The following LNPK variants were observed in gnomAD, a reference collection of about 807,000 sequenced individuals.
LNPK encodes endoplasmic reticulum junction formation protein lunapark.
LNPK carries 29 observed loss-of-function variants against 55.2 expected under a neutral mutation model. That is an observed-to-expected ratio of 0.53 (90% CI 0.39 to 0.72). The LOEUF (loss-of-function observed/expected upper bound fraction) is 0.72, where lower values mean the gene tolerates loss of function less well. Among genes scored for constraint, LNPK ranks in the 30% least tolerant of loss-of-function variants. The pLI, the probability that LNPK is intolerant of heterozygous loss-of-function variation, is 0.00. For synonymous variants in LNPK, 162 were observed against 168.2 expected, an observed-to-expected ratio of 0.96 and a Z score of 0.29; for missense variants, 467 against 494.8, an observed-to-expected ratio of 0.94 and a Z score of 0.53.
intron 1 of LNPK, among the ~76,000 whole-genome samples, chr2:175,999,729 C>A (rs1024388109): frequency 6.6e-6 from 1 of 152,136 alleles, no homozygotes; most frequent in African/African-American, 2.4e-5. Flanking sequence ...ACAACAGGAC[C>A]TGTCATGACC....
In LNPK at chr2:175,929,160, CAAGAGCACAA is replaced by C; in HGVS notation, c.*797_*806del. ...TTCATTTTCCTTAATAAAATACAAA[CAAGAGCACAA>C]AATTCACTTATATATCATCATTTTA... is the stretch of plus-strand genomic sequence containing the variant. On this transcript the variant is annotated 3_prime_UTR_variant, in exon 13 of 13. Coordinates refer to ENST00000272748, the MANE Select transcript of LNPK (RefSeq NM_030650.3). The C allele has an allele frequency of 1.0e-6, 1 of 978,506 alleles. No homozygotes were observed. The highest frequency in any genetic ancestry group is 1.2e-6 in the Non-Finnish European group (1 of 823,442). The allele number at this position is 978,506 out of a possible 1,614,324, so 60.6% of individuals were successfully genotyped here.
At chr2:175,944,627 C>T (rs1428661479) in intron 9 of LNPK, among the ~76,000 whole-genome samples, 2 of 152,060 alleles carry the variant, frequency 1.3e-5, no homozygotes, top group Non-Finnish European at 2.9e-5. Context: ...TACATGGAGA[C>T]TTCATAGAAG....
At chr2:175,936,053 G>A (rs2105524497) in intron 12 of LNPK, among the ~76,000 whole-genome samples, 1 of 152,102 alleles carries the variant, frequency 6.6e-6, no homozygotes, top group African/African-American at 2.4e-5. Flanking sequence ...AGTTCCAAAA[G>A]GCTGCAATGG....
chr2:175,985,604 A>T (rs1687369309), intron 4 of LNPK, among the ~76,000 whole-genome samples: 1 of 152,150 alleles, frequency 6.6e-6, no homozygotes, highest in Non-Finnish European at 1.5e-5. Flanking sequence ...GTTCTCCCTT[A>T]ATCTCAGTGA....
At position 175,937,590 on chromosome 2, in the gene LNPK, A is replaced by T. The variant is rs576330854; in HGVS notation, c.884-76T>A. 1.6e-5 allele frequency: 17 copies of T among 1,046,482 alleles called. No individual in the cohort carries two copies. The East Asian group carries it at 4.1e-4, about 25-fold the overall frequency. The allele number at this position is 1,046,482 out of a possible 1,614,324, so 64.8% of individuals were successfully genotyped here. On this transcript the variant is annotated intron_variant, in intron 11 of 12. Coordinates refer to ENST00000272748, the MANE Select transcript of LNPK (RefSeq NM_030650.3). ...AAGAACTAATTAGTTAACTCACAAG[A>T]TCACTTTTGCAGATATTCAAAAGAA...
rs61294187 is a variant in LNPK, at chr2:175,987,674, T to TA, written c.257+4556dup. On this transcript the variant is annotated intron_variant, in intron 4 of 12. Transcript: ENST00000272748. The stretch of plus-strand genomic sequence containing the variant: ...TGTACCCTAAAACTTAAAGTATAAT[T>TA]AAAAAAAAAAAAATCACTACATTCC... 6.9e-3 allele frequency among the ~76,000 whole-genome samples: 1,039 copies of TA among 149,790 alleles called. 6 individuals carry two copies. Among genetic ancestry groups the TA allele is most frequent in the South Asian group, 0.032 (152 of 4,726 alleles).
At chr2:175,936,157 G>A (rs1684534723) in intron 12 of LNPK, among the ~76,000 whole-genome samples, 1 of 152,182 alleles carries the variant, frequency 6.6e-6, no homozygotes, top group Non-Finnish European at 1.5e-5. Flanking sequence ...TGATGCTGCA[G>A]ACTTGGAGAA....
At chr2:175,968,234 T>C (rs1271330851) in intron 6 of LNPK, among the ~76,000 whole-genome samples, 3 of 152,186 alleles carry the variant, frequency 2.0e-5, no homozygotes, top group African/African-American at 4.8e-5. Context: ...CATCTGTAGT[T>C]GATTGTTAAG....
At chr2:175,945,516 A>AAAAAAAAAAAAAAAGATTCCATCAGCT (rs1685082192) in intron 9 of LNPK, among the ~76,000 whole-genome samples, 1 of 151,186 alleles carries the variant, frequency 6.6e-6, no homozygotes, top group Non-Finnish European at 1.5e-5. Context: ...AAAAGAAAAA[A>AAAAAAAAAAAAAAAGATTCCATCAGCT]AAAAAAAAAA....
chr2:176,001,103 C>G (rs990260242), intron 1 of LNPK, among the ~76,000 whole-genome samples: 2 of 152,088 alleles, frequency 1.3e-5, no homozygotes, highest in African/African-American at 4.8e-5. Context: ...CAATAGATAA[C>G]AGACAACCTT....
intron 8 of LNPK, among the ~76,000 whole-genome samples, chr2:175,959,383 G>A (rs747714287): frequency 1.3e-5 from 2 of 152,114 alleles, no homozygotes; most frequent in Non-Finnish European, 2.9e-5. Flanking sequence ...CAGAAACTAC[G>A]AGACAGAAGA....
At chr2:175,965,198 G>A (rs767329010) in intron 6 of LNPK, among the ~76,000 whole-genome samples, 1 of 152,094 alleles carries the variant, frequency 6.6e-6, no homozygotes, top group Non-Finnish European at 1.5e-5. Context: ...GGAAAAAACT[G>A]AGCACAGAAT....
intron 6 of LNPK, among the ~76,000 whole-genome samples, chr2:175,969,706 T>G (rs1686563244): frequency 6.6e-6 from 1 of 152,226 alleles, no homozygotes; most frequent in East Asian, 1.9e-4. Flanking sequence ...TTTGAATTTC[T>G]GGCTGTTCCA....
intron 1 of LNPK, among the ~76,000 whole-genome samples, chr2:175,999,301 CTCCAAG>C (rs1559080820): frequency 6.6e-6 from 1 of 152,176 alleles, no homozygotes; most frequent in African/African-American, 2.4e-5. Context: ...AACATATTAA[CTCCAAG>C]TCCTGTGGCC....
intron 4 of LNPK, among the ~76,000 whole-genome samples, chr2:175,988,512 C>CAAAA (rs575414400): frequency 1.2e-4 from 7 of 58,740 alleles, no homozygotes; most frequent in Admixed American, 1.7e-4. Flanking sequence ...ACTCTGTCTC[C>CAAAA]AAAAAAAAAA....
chr2:175,990,896 G>A (rs1292221835), intron 4 of LNPK, among the ~76,000 whole-genome samples: 1 of 152,004 alleles, frequency 6.6e-6, no homozygotes, highest in African/African-American at 2.4e-5. Flanking sequence ...GAAGGACACA[G>A]TAAGGATAAG....
At chr2:175,944,771 T>C (rs879567517) in intron 9 of LNPK, among the ~76,000 whole-genome samples, 2 of 152,168 alleles carry the variant, frequency 1.3e-5, no homozygotes, top group Non-Finnish European at 2.9e-5. Context: ...TATACTAAAT[T>C]CTTATAATTT....
intron 1 of LNPK, 32 bp downstream of exon 1, chr2:176,002,128 C>A: frequency 2.4e-6 from 1 of 419,258 alleles, no homozygotes; most frequent in Non-Finnish European, 4.7e-6. Flanking sequence ...GCTGCAGAGC[C>A]CTCCCAACTG....
intron 8 of LNPK, among the ~76,000 whole-genome samples, chr2:175,958,044 C>T (rs1441602303): frequency 1.3e-5 from 2 of 152,206 alleles, no homozygotes; most frequent in African/African-American, 2.4e-5. Flanking sequence ...AGTAGGTAAG[C>T]AAAGGGGCCA....
Sources: gnomAD v4.1 joint callset for allele counts (sites outside exome capture counted in the v4.1 genomes callset) on GRCh38, gnomAD v4.1.1 for gene constraint, MANE v1.5 for transcripts, NCBI Gene and HGNC (gene_info 2026-07-23, HGNC 2026-07-21) for gene names.